The following THSD7B variants were observed in gnomAD, a reference collection of about 807,000 sequenced individuals.
THSD7B encodes the protein thrombospondin type 1 domain containing 7B, also known as thrombospondin type-1 domain-containing protein 7B.
THSD7B carries 138 observed loss-of-function variants against 213.6 expected under a neutral mutation model. The ratio of observed to expected loss-of-function variants is 0.65; its 90% CI spans 0.56 to 0.74. THSD7B has a LOEUF of 0.74. Ranked by LOEUF, THSD7B falls within the 30% of genes least tolerant of loss-of-function variation. THSD7B has a pLI of 0.00. For missense variants in THSD7B, 1,931 were observed against 1,991.5 expected, an observed-to-expected ratio of 0.97 and a Z score of 0.58; for synonymous variants, 742 against 687.0, an observed-to-expected ratio of 1.08 and a Z score of -1.25.
chr2:137,016,971 A>G (rs1257423684), intron 2 of THSD7B, among the ~76,000 whole-genome samples: 1 of 152,122 alleles, frequency 6.6e-6, no homozygotes, highest in African/African-American at 2.4e-5. Flanking sequence ...TACAGCACAT[A>G]TATGCTTTAT....
chr2:137,646,007 A>T (rs930712574), intron 21 of THSD7B, among the ~76,000 whole-genome samples: 2 of 152,222 alleles, frequency 1.3e-5, no homozygotes, highest in African/African-American at 4.8e-5. Flanking sequence ...TCCAAAAAAA[A>T]TGCATTTAGA....
chr2:137,487,390 A>AC (rs1371270858), intron 15 of THSD7B, among the ~76,000 whole-genome samples: 23 of 138,622 alleles, frequency 1.7e-4, no homozygotes, highest in Non-Finnish European at 2.8e-4. Flanking sequence ...AAAAAAAAAA[A>AC]AAAAAAAAAG....
chr2:137,214,102 T>C (rs140967459), intron 7 of THSD7B, among the ~76,000 whole-genome samples: 12 of 152,246 alleles, frequency 7.9e-5, no homozygotes, highest in Non-Finnish European at 1.6e-4. Context: ...AACTAATAAG[T>C]TGAAGGCTTT....
intron 17 of THSD7B, among the ~76,000 whole-genome samples, chr2:137,589,700 A>G (rs1303873570): frequency 6.6e-6 from 1 of 152,182 alleles, no homozygotes; most frequent in East Asian, 1.9e-4. Flanking sequence ...GTATTATCTC[A>G]AATAATAGAT....
chr2:137,055,755 G>GTGC (rs1236907988), intron 2 of THSD7B, among the ~76,000 whole-genome samples: 3 of 152,222 alleles, frequency 2.0e-5, no homozygotes, highest in Non-Finnish European at 2.9e-5. Flanking sequence ...AGACAATTCA[G>GTGC]TGCTGCTGCT....
chr2:137,010,119 C>T (rs1686199095), intron 2 of THSD7B, among the ~76,000 whole-genome samples: 1 of 152,156 alleles, frequency 6.6e-6, no homozygotes, highest in African/African-American at 2.4e-5. Flanking sequence ...GACAAAATGT[C>T]ATCTCACTGT....
intron 6 of THSD7B, among the ~76,000 whole-genome samples, chr2:137,160,897 C>T (rs1033577927): frequency 4.6e-5 from 7 of 152,174 alleles, no homozygotes; most frequent in Non-Finnish European, 1.0e-4. Flanking sequence ...GCTGGGATTA[C>T]AGGCGTGAGC....
chr2:136,978,403 A>G (rs980877995), intron 2 of THSD7B, among the ~76,000 whole-genome samples: 1 of 152,184 alleles, frequency 6.6e-6, no homozygotes, highest in African/African-American at 2.4e-5. Flanking sequence ...TAAATCTCCC[A>G]CTATTATTTT....
intron 5 of THSD7B, among the ~76,000 whole-genome samples, chr2:137,131,729 A>T (rs371879153): frequency 6.6e-6 from 1 of 152,068 alleles, no homozygotes; most frequent in African/African-American, 2.4e-5. Context: ...GTTCTGTTCC[A>T]TTGGTCTATA....
chr2:137,085,628 G>A (rs1441057712), intron 3 of THSD7B, among the ~76,000 whole-genome samples: 2 of 152,160 alleles, frequency 1.3e-5, no homozygotes, highest in African/African-American at 2.4e-5. Context: ...AAAAGAAAAA[G>A]TTATATAGGT....
intron 12 of THSD7B, among the ~76,000 whole-genome samples, chr2:137,340,106 A>C (rs1190715803): frequency 6.6e-6 from 1 of 151,868 alleles, no homozygotes; most frequent in Non-Finnish European, 1.5e-5. Flanking sequence ...AAAAGTTGGA[A>C]TCACTCTCCT....
intron 2 of THSD7B, among the ~76,000 whole-genome samples, chr2:137,042,699 G>T (rs1449521762): frequency 6.6e-6 from 1 of 152,130 alleles, no homozygotes; most frequent in African/African-American, 2.4e-5. Context: ...ATCCAGGAAA[G>T]GCAGGGGACA....
At chr2:137,533,294 TA>T (rs1373788076) in intron 15 of THSD7B, among the ~76,000 whole-genome samples, 1 of 151,844 alleles carries the variant, frequency 6.6e-6, no homozygotes, top group African/African-American at 2.4e-5. Flanking sequence ...CCATAGGAAA[TA>T]AGTCGAATAC....
intron 1 of THSD7B, among the ~76,000 whole-genome samples, chr2:136,828,566 C>T (rs1046803726): frequency 6.6e-6 from 1 of 152,220 alleles, no homozygotes; most frequent in Non-Finnish European, 1.5e-5. Flanking sequence ...CTACCATGGC[C>T]TACAAGGACC....
At chr2:136,948,507 A>C (rs564701119) in intron 2 of THSD7B, among the ~76,000 whole-genome samples, 1 of 152,084 alleles carries the variant, frequency 6.6e-6, no homozygotes, top group East Asian at 1.9e-4. Flanking sequence ...CCTCTTTAAA[A>C]ATTTGTAGAA....
intron 9 of THSD7B, among the ~76,000 whole-genome samples, chr2:137,233,844 G>C (rs1422847271): frequency 6.6e-6 from 1 of 152,174 alleles, no homozygotes; most frequent in Non-Finnish European, 1.5e-5. Flanking sequence ...GGCTGGTAAA[G>C]AAGAAAACAG....
intron 15 of THSD7B, among the ~76,000 whole-genome samples, chr2:137,454,614 T>A (rs1172029581): frequency 2.6e-5 from 4 of 152,192 alleles, no homozygotes; most frequent in Non-Finnish European, 1.5e-5. Flanking sequence ...CATATTTTCT[T>A]AATTCATTTG....
chr2:137,089,335 T>G (rs961934785), intron 3 of THSD7B, among the ~76,000 whole-genome samples: 2 of 150,564 alleles, frequency 1.3e-5, no homozygotes, highest in African/African-American at 4.9e-5. Flanking sequence ...TGTGTGTGTA[T>G]ATGTATATAT....
intron 12 of THSD7B, among the ~76,000 whole-genome samples, chr2:137,309,205 C>T (rs1683828608): frequency 6.6e-6 from 1 of 151,946 alleles, no homozygotes; most frequent in South Asian, 2.1e-4. Flanking sequence ...GAAAGGAAAA[C>T]TCATTTTTGT....
Sources: gnomAD v4.1 joint callset for allele counts (sites outside exome capture counted in the v4.1 genomes callset) on GRCh38, gnomAD v4.1.1 for gene constraint, MANE v1.5 for transcripts, NCBI Gene and HGNC (gene_info 2026-07-23, HGNC 2026-07-21) for gene names.